FMN2: variants seen among roughly 807,000 people sequenced by gnomAD.
FMN2 encodes formin 2.
FMN2 carries 51 observed loss-of-function variants against 142.3 expected under a neutral mutation model. The observed-to-expected ratio is 0.36, with a 90% CI of 0.29 to 0.45. The LOEUF is 0.45. Among genes scored for constraint, FMN2 ranks in the 20% least tolerant of loss-of-function variants. The probability of loss-of-function intolerance (pLI) is 1.00; values close to 1 mark genes in which losing one functional copy is unlikely to be tolerated. For synonymous variants in FMN2, 882 were observed against 869.8 expected (o/e 1.01, Z -0.25); for missense variants, 1,936 against 2,122.8 (o/e 0.91, Z 1.73).
intron 15 of FMN2, among the ~76,000 whole-genome samples, chr1:240,427,390 A>G (rs1674993343): frequency 6.6e-6 from 1 of 151,828 alleles, no homozygotes; most frequent in African/African-American, 2.4e-5. Context: ...TGTTTTTAGT[A>G]GAGACGGGGT....
At chr1:240,456,706 T>G (rs1403275781) in intron 16 of FMN2, among the ~76,000 whole-genome samples, 1 of 152,216 alleles carries the variant, frequency 6.6e-6, no homozygotes, top group Non-Finnish European at 1.5e-5. Flanking sequence ...TTCACACACC[T>G]CGGCCTCCCA....
chr1:240,351,129 A>AC (rs1220418764), intron 13 of FMN2, among the ~76,000 whole-genome samples: 1 of 152,150 alleles, frequency 6.6e-6, no homozygotes, highest in Non-Finnish European at 1.5e-5. Flanking sequence ...AAATACCTGA[A>AC]CTATCAGTGG....
At chr1:240,374,356 G>A (rs566121662) in intron 14 of FMN2, among the ~76,000 whole-genome samples, 1 of 152,282 alleles carries the variant, frequency 6.6e-6, no homozygotes, top group Admixed American at 6.5e-5. Flanking sequence ...TTTGAAGCAG[G>A]CATTGACTTC....
At chr1:240,139,326 A>C (rs1663080576) in intron 2 of FMN2, among the ~76,000 whole-genome samples, 1 of 44,190 alleles carries the variant, frequency 2.3e-5, no homozygotes, top group Admixed American at 2.4e-4. Flanking sequence ...GGTTCAATTA[A>C]AATCCTACTG....
intron 8 of FMN2, among the ~76,000 whole-genome samples, chr1:240,298,256 T>C (rs1670062519): frequency 6.6e-6 from 1 of 152,216 alleles, no homozygotes; most frequent in African/African-American, 2.4e-5. Context: ...GTTAGCCCTC[T>C]GCAGTACAGG....
chr1:240,329,145 A>C lies in FMN2; in HGVS notation c.4285A>C (p.Lys1429Gln). The change falls in exon 9 of 18, where the codon AAG (lysine) becomes CAG (glutamine). Residue 1429 changes from lysine (K) to glutamine (Q), a missense_variant. By Grantham distance (53) the Lys-to-Gln change is moderately conservative. Around this residue, in one of 8 missense-constraint regions of FMN2, gnomAD observed 322 missense variants for 401.6 expected, o/e 0.80. Coordinates refer to ENST00000319653, the MANE Select transcript of FMN2 (RefSeq NM_020066.5). The stretch of plus-strand genomic sequence containing the variant: ...ATCTTCCAAAGACAAGGAAAATGCC[A>C]AGTCTCTGGACAAACCTGAACAGTA... ...GRSSKDKENA[K>Q]SLDKPEQFLY... 2 of 1,614,144 alleles carry C rather than the reference A, an allele frequency of 1.2e-6. No individual in the cohort carries two copies. Among genetic ancestry groups the C allele is most frequent in the Non-Finnish European group, 1.7e-6 (2 of 1,179,994 alleles).
intron 7 of FMN2, among the ~76,000 whole-genome samples, chr1:240,285,430 G>A (rs1022586312): frequency 6.6e-6 from 1 of 152,038 alleles, no homozygotes; most frequent in Non-Finnish European, 1.5e-5. Flanking sequence ...AGGAGTTCAG[G>A]AAGGAGGTCG....
At chr1:240,167,082 A>G (rs930704885) in intron 2 of FMN2, among the ~76,000 whole-genome samples, 1 of 152,234 alleles carries the variant, frequency 6.6e-6, no homozygotes, top group Non-Finnish European at 1.5e-5. Context: ...AGATTGTGCC[A>G]TTGCACTTGA....
At chr1:240,410,381 C>A (rs1356078667) in intron 15 of FMN2, among the ~76,000 whole-genome samples, 2 of 152,124 alleles carry the variant, frequency 1.3e-5, no homozygotes, top group African/African-American at 4.8e-5. Context: ...GTGACAGCTG[C>A]AAAATTGAGA....
rs920907782 is a variant in FMN2, at chr1:240,385,928, A to T, written c.4859-6583A>T. On this transcript the variant is annotated intron_variant, in intron 14 of 17. Coordinates refer to ENST00000319653, the MANE Select transcript of FMN2 (RefSeq NM_020066.5). ...CAAAGTTGAAATAACCCTCAGTATT[A>T]AATAAAAGGTAGCTGTAAATTATTG... Among the ~76,000 whole-genome samples, 5 of 152,198 alleles carry T rather than the reference A, an allele frequency of 3.3e-5. No homozygotes were observed. The East Asian group carries it at 9.6e-4, about 29-fold the overall frequency.
At chr1:240,387,321 C>T (rs971308049) in intron 14 of FMN2, among the ~76,000 whole-genome samples, 3 of 152,160 alleles carry the variant, frequency 2.0e-5, no homozygotes, top group African/African-American at 7.2e-5. Context: ...AATAATTACC[C>T]ACAGTATGTT....
At chr1:240,418,403 G>T (rs1220065734) in intron 15 of FMN2, among the ~76,000 whole-genome samples, 1 of 151,776 alleles carries the variant, frequency 6.6e-6, no homozygotes, top group Admixed American at 6.6e-5. Context: ...CACCATATTG[G>T]CCAGGCTGGT....
chr1:240,223,746 T>G (rs1667202372), intron 6 of FMN2, among the ~76,000 whole-genome samples: 1 of 152,238 alleles, frequency 6.6e-6, no homozygotes, highest in African/African-American at 2.4e-5. Flanking sequence ...TATCCATTTC[T>G]TCTAGATTTT....
intron 6 of FMN2, among the ~76,000 whole-genome samples, chr1:240,219,210 G>T (rs369573588): frequency 2.0e-5 from 3 of 152,158 alleles, no homozygotes; most frequent in African/African-American, 7.2e-5. Context: ...ACCCAGCCTC[G>T]GGTTTGTCAT....
chr1:240,285,154 A>G (rs1198662849), intron 7 of FMN2: 1 of 448,700 alleles, frequency 2.2e-6, no homozygotes, highest in Non-Finnish European at 4.5e-6. Flanking sequence ...AATTGCAGGC[A>G]ATAATCGGGA....
chr1:240,237,208 T>A (rs531617894), intron 6 of FMN2, among the ~76,000 whole-genome samples: 15 of 152,236 alleles, frequency 9.9e-5, no homozygotes, highest in Non-Finnish European at 2.1e-4. Flanking sequence ...AAGAGTTTGT[T>A]TGATTGCTGA....
At chr1:240,347,967 TC>T (rs1321125086) in intron 13 of FMN2, among the ~76,000 whole-genome samples, 5 of 152,202 alleles carry the variant, frequency 3.3e-5, no homozygotes, top group African/African-American at 1.2e-4. Context: ...CCTGGTTGCT[TC>T]CATGTTTTTG....
chr1:240,360,596 A>C (rs776970490), intron 14 of FMN2, among the ~76,000 whole-genome samples: 1 of 152,190 alleles, frequency 6.6e-6, no homozygotes, highest in Non-Finnish European at 1.5e-5. Context: ...ATATACACCT[A>C]TGGCGAGGAC....
At chr1:240,142,601 A>T in intron 2 of FMN2, 1 of 1,469,334 alleles carries the variant, frequency 6.8e-7, no homozygotes, top group South Asian at 1.3e-5. Context: ...AGCTGTGTCC[A>T]CCCTTGGCAG....
Sources: gnomAD v4.1 joint callset for allele counts (sites outside exome capture counted in the v4.1 genomes callset) on GRCh38, gnomAD v4.1.1 for gene constraint, gnomAD v4.1.1 regional missense constraint, MANE v1.5 for transcripts, NCBI Gene and HGNC (gene_info 2026-07-23, HGNC 2026-07-21) for gene names.